The following ENPEP variants were observed in gnomAD, a reference collection of about 807,000 sequenced individuals.
ENPEP encodes the protein glutamyl aminopeptidase, also known as AP-A.
A neutral mutation model predicts 114.5 loss-of-function variants in ENPEP; 103 were observed. That is an observed-to-expected ratio of 0.90 (90% confidence interval 0.77 to 1.06). ENPEP has a LOEUF of 1.06. Ranked by LOEUF, ENPEP falls within the 50% of genes least tolerant of loss-of-function variation. ENPEP has a pLI of 0.00. For synonymous variants in ENPEP, 420 were observed against 422.0 expected (o/e 1.00, Z 0.06); for missense variants, 1,196 against 1,161.3 (o/e 1.03, Z -0.43).
At chr4:110,527,196 A>G (rs1335274268) in intron 10 of ENPEP, among the ~76,000 whole-genome samples, 1 of 152,186 alleles carries the variant, frequency 6.6e-6, no homozygotes, top group Non-Finnish European at 1.5e-5. Context: ...TCTCAGAATT[A>G]TTAAATTAGC....
chr4:110,538,913 A>G (rs1726745632), intron 11 of ENPEP, among the ~76,000 whole-genome samples: 1 of 152,138 alleles, frequency 6.6e-6, no homozygotes, highest in African/African-American at 2.4e-5. Flanking sequence ...AAAGAGAGAC[A>G]GGGGAATGGC....
chr4:110,482,972 G>A (rs1296346504), intron 1 of ENPEP, among the ~76,000 whole-genome samples: 1 of 152,188 alleles, frequency 6.6e-6, no homozygotes, highest in Non-Finnish European at 1.5e-5. Flanking sequence ...TCGCGCCACT[G>A]CACTCTAGCC....
intron 11 of ENPEP, among the ~76,000 whole-genome samples, chr4:110,532,195 G>A (rs1726432278): frequency 6.6e-6 from 1 of 152,058 alleles, no homozygotes; most frequent in South Asian, 2.1e-4. Flanking sequence ...GTTTTTTAGT[G>A]TATTCACAGA....
chr4:110,498,852 T>G (rs1288112861), intron 3 of ENPEP, among the ~76,000 whole-genome samples: 1 of 152,208 alleles, frequency 6.6e-6, no homozygotes, highest in African/African-American at 2.4e-5. Context: ...TCACCTTCCC[T>G]GGCCCAGGTA....
intron 3 of ENPEP, among the ~76,000 whole-genome samples, chr4:110,504,614 G>A (rs1282432398): frequency 6.6e-6 from 1 of 152,092 alleles, no homozygotes; most frequent in Non-Finnish European, 1.5e-5. Flanking sequence ...CAAAGACAGA[G>A]CATATTTCTA....
intron 1 of ENPEP, among the ~76,000 whole-genome samples, chr4:110,484,333 A>C (rs1724421532): frequency 6.6e-6 from 1 of 152,190 alleles, no homozygotes; most frequent in Non-Finnish European, 1.5e-5. Context: ...TCAAGATCAC[A>C]CTTTAGTAGC....
chr4:110,525,158 A>G (rs1726147538), intron 10 of ENPEP, among the ~76,000 whole-genome samples: 1 of 152,230 alleles, frequency 6.6e-6, no homozygotes, highest in Non-Finnish European at 1.5e-5. Flanking sequence ...ACTTGCACAA[A>G]AATCTTAATA....
intron 3 of ENPEP, among the ~76,000 whole-genome samples, chr4:110,503,968 T>C (rs1055446094): frequency 6.6e-6 from 1 of 152,206 alleles, no homozygotes; most frequent in African/African-American, 2.4e-5. Flanking sequence ...AGCTGTGCTC[T>C]CTCTCAGTGC....
intron 8 of ENPEP, chr4:110,515,898 GGGA>G: frequency 4.3e-5 from 19 of 438,908 alleles, no homozygotes; most frequent in Non-Finnish European, 5.9e-5. Flanking sequence ...GAGAGAGAGA[GGGA>G]GAGAGAGAGA....
intron 10 of ENPEP, among the ~76,000 whole-genome samples, chr4:110,521,190 G>T (rs1725973699): frequency 6.6e-6 from 1 of 152,160 alleles, no homozygotes; most frequent in East Asian, 1.9e-4. Context: ...AACATAACAA[G>T]AGCCTGTCTC....
At chr4:110,548,434 C>A in intron 14 of ENPEP, 108 bp downstream of exon 14, 2 of 912,776 alleles carry the variant, frequency 2.2e-6, no homozygotes, top group Non-Finnish European at 3.0e-6. Context: ...TGTTTGCTTG[C>A]CAGGTGGAAT....
At chr4:110,537,918 A>T (rs1726702256) in intron 11 of ENPEP, among the ~76,000 whole-genome samples, 1 of 152,234 alleles carries the variant, frequency 6.6e-6, no homozygotes, top group Non-Finnish European at 1.5e-5. Context: ...CTATTTTGAA[A>T]GGAATCTTTT....
At chr4:110,548,762 C>T (rs564948195) in intron 14 of ENPEP, among the ~76,000 whole-genome samples, 2 of 151,790 alleles carry the variant, frequency 1.3e-5, no homozygotes, top group South Asian at 2.1e-4. Context: ...TTCTAAATAC[C>T]GTTTCTTTGC....
At chr4:110,533,262 A>G (rs1001257618) in intron 11 of ENPEP, 4 of 260,254 alleles carry the variant, frequency 1.5e-5, no homozygotes, top group African/African-American at 8.8e-5. Context: ...TGTAAAATGC[A>G]TTTCAAGAGT....
chr4:110,481,520 A>G (rs1313061623), intron 1 of ENPEP, among the ~76,000 whole-genome samples: 2 of 152,164 alleles, frequency 1.3e-5, no homozygotes, highest in Non-Finnish European at 2.9e-5. Context: ...AAATATTCTC[A>G]AATGGAATAA....
chr4:110,513,182 G>A (rs934779472), intron 6 of ENPEP: 1 of 318,056 alleles, frequency 3.1e-6, no homozygotes, highest in Non-Finnish European at 5.6e-6. Context: ...AGAAGTTGAT[G>A]TCTTCTCGGC....
intron 3 of ENPEP, among the ~76,000 whole-genome samples, chr4:110,499,127 T>A (rs6842486): frequency 0.51 from 78,149 of 151,942 alleles, 20,578 homozygotes; most frequent in Middle Eastern, 0.64. Context: ...ACTGGCAATG[T>A]GGACACCATA....
chr4:110,554,821 C>T, intron 18 of ENPEP, among the ~76,000 whole-genome samples: 1 of 151,900 alleles, frequency 6.6e-6, no homozygotes, highest in East Asian at 1.9e-4. Context: ...ATAAAAGTTA[C>T]TTTTGAGTTA....
At chr4:110,479,557 C>T (rs959558813) in intron 1 of ENPEP, among the ~76,000 whole-genome samples, 1 of 152,002 alleles carries the variant, frequency 6.6e-6, no homozygotes, top group Non-Finnish European at 1.5e-5. Context: ...AACTGACTTC[C>T]AAAAAATATG....
Sources: gnomAD v4.1 joint callset for allele counts (sites outside exome capture counted in the v4.1 genomes callset) on GRCh38, gnomAD v4.1.1 for gene constraint, MANE v1.5 for transcripts, NCBI Gene and HGNC (gene_info 2026-07-23, HGNC 2026-07-21) for gene names.